SORBS2: variants seen among roughly 807,000 people sequenced by gnomAD.
SORBS2 encodes the protein sorbin and SH3 domain-containing protein 2.
Under a neutral mutation model 97.7 loss-of-function variants are expected in SORBS2, and 46 were observed. The observed-to-expected ratio is 0.47, with a 90% CI of 0.37 to 0.60. The LOEUF is 0.60. Among genes scored for constraint, SORBS2 ranks in the 20% least tolerant of loss-of-function variants. The probability of loss-of-function intolerance (pLI) is 0.00; values close to 1 mark genes in which losing one functional copy is unlikely to be tolerated. For missense variants in SORBS2, 1,316 were observed against 1,282.3 expected, an observed-to-expected ratio of 1.03 and a Z score of -0.40; for synonymous variants, 476 against 473.4, an observed-to-expected ratio of 1.01 and a Z score of -0.07.
intron 2 of SORBS2, among the ~76,000 whole-genome samples, chr4:185,747,640 T>A (rs2098771096): frequency 6.6e-6 from 1 of 152,146 alleles, no homozygotes. Flanking sequence ...AGGCCCATGG[T>A]GGTCAGGGCA....
chr4:185,644,688 G>C (rs937980408), intron 4 of SORBS2, among the ~76,000 whole-genome samples: 1 of 152,176 alleles, frequency 6.6e-6, no homozygotes, highest in Non-Finnish European at 1.5e-5. Context: ...CTTTACATGA[G>C]ATAAGGCATA....
chr4:185,868,745 CCAT>C (rs1458471977), intron 1 of SORBS2, among the ~76,000 whole-genome samples: 1 of 152,110 alleles, frequency 6.6e-6, no homozygotes, highest in African/African-American at 2.4e-5. Flanking sequence ...GACGCTGTCT[CCAT>C]CACCAGGGGC....
At chr4:185,622,988 C>G (rs777879869) in exon 7 of SORBS2, 1 of 1,613,982 alleles carries the variant, frequency 6.2e-7, no homozygotes, top group South Asian at 1.1e-5. Flanking sequence ...AGAGGCACTG[C>G]GGGGCATTCT....
intron 2 of SORBS2, among the ~76,000 whole-genome samples, chr4:185,745,469 A>G (rs1234173301): frequency 6.6e-6 from 1 of 152,204 alleles, no homozygotes; most frequent in Non-Finnish European, 1.5e-5. Context: ...CAGGTAGACA[A>G]GGAGGACTGA....
chr4:185,607,037 T>G lies in SORBS2; in HGVS notation c.2796+4743A>C. The G allele has an allele frequency of 9.8e-7, 1 of 1,021,980 alleles. No homozygotes were observed. The highest frequency in any genetic ancestry group is 1.2e-6 in the Non-Finnish European group (1 of 851,768). 63.3% of individuals were successfully genotyped at this position (1,021,980 alleles called of 1,614,324 possible). A position where few individuals can be genotyped will look rare whatever the true frequency, so the allele number is the denominator to read the frequency against. ...GCAGCCGAGGCCACACCCGCGTGAG[T>G]GGAAGGTGATTCGGCAGGTGCAGTC... On this transcript the variant is annotated intron_variant, in intron 12 of 14. Coordinates refer to ENST00000418609, the Ensembl canonical transcript of SORBS2. This position sits in a 1 kb window ranked among gnomAD's most constrained non-coding sequence, Gnocchi z 5.2.
At position 185,806,458 on chromosome 4, in the gene SORBS2, T is replaced by G. The variant is rs1382822834; in HGVS notation, c.-337-31092A>C. 7.5e-5 allele frequency among the ~76,000 whole-genome samples: 7 copies of G among 93,016 alleles called. 1 individual carries two copies. In the East Asian group the frequency reaches 9.9e-4, roughly 13 times the overall value. 61.0% of individuals were successfully genotyped at this position (93,016 alleles called of 152,430 possible). A position where few individuals can be genotyped will look rare whatever the true frequency, so the allele number is the denominator to read the frequency against. On this transcript the variant is annotated intron_variant, in intron 1 of 20. Coordinates refer to the SORBS2 transcript ENST00000284776. ...CCTATTTTTTTTTTTTTTTTTTTTTTTTTTTTTTTTTTTTTTTGAGACGGA... is the reference window on the plus strand; with the variant it reads ...CCTATTTTTTTTTTTTTTTTTTTTTGTTTTTTTTTTTTTTTTTGAGACGGA...
At chr4:185,836,764 T>C (rs1194126079) in intron 1 of SORBS2, among the ~76,000 whole-genome samples, 2 of 152,234 alleles carry the variant, frequency 1.3e-5, no homozygotes, top group Non-Finnish European at 2.9e-5. Context: ...CTTGTCCACA[T>C]TATTTATAGA....
rs111354387 is a variant in SORBS2, at chr4:185,617,344, G to C, written c.2351+1241C>G. 7.1e-3 allele frequency among the ~76,000 whole-genome samples: 1,083 copies of C among 152,156 alleles called. 12 individuals are homozygous for C. Among genetic ancestry groups the C allele is most frequent in the African/African-American group, 0.024 (987 of 41,528 alleles). The stretch of plus-strand genomic sequence containing the variant: ...AAGATGTAAGCTTTTCTTCAGGCCA[G>C]ATTTAAGCCATGTTCAACATCTTAA... On this transcript the variant is annotated intron_variant, in intron 9 of 14. Transcript: ENST00000418609.
chr4:185,618,565 T>C lies in SORBS2; in HGVS notation c.2351+20A>G. 7.2e-7 allele frequency: 1 copy of C among 1,385,694 alleles called. No homozygotes were observed. The highest frequency in any genetic ancestry group is 9.9e-7 in the Non-Finnish European group (1 of 1,011,414). 85.8% of individuals were successfully genotyped at this position (1,385,694 alleles called of 1,614,324 possible). A position where few individuals can be genotyped will look rare whatever the true frequency, so the allele number is the denominator to read the frequency against. On this transcript the variant is annotated intron_variant, in intron 9 of 14. Transcript: ENST00000418609. ...TTTAAAACCACCTTAAATCATATGATGAGTATTTATCTTACTTACTTAGAT... is the reference window on the plus strand; with the variant it reads ...TTTAAAACCACCTTAAATCATATGACGAGTATTTATCTTACTTACTTAGAT...
chr4:185,659,036 A>G (rs762046506), upstream of SORBS2, among the ~76,000 whole-genome samples: 107 of 152,268 alleles, frequency 7.0e-4, no homozygotes, highest in Non-Finnish European at 1.1e-3. Flanking sequence ...ATTTTAACTC[A>G]TCAATATAAG....
intron 4 of SORBS2, chr4:185,677,675 T>A (rs2097810522): frequency 6.9e-7 from 1 of 1,441,440 alleles, no homozygotes; most frequent in Admixed American, 2.7e-5. Flanking sequence ...AGAAATAAAG[T>A]TGAAAGAAAA....
upstream of SORBS2, among the ~76,000 whole-genome samples, chr4:185,658,957 C>A (rs529113117): frequency 6.6e-6 from 1 of 152,058 alleles, no homozygotes; most frequent in Non-Finnish European, 1.5e-5. Flanking sequence ...CCGCCCGCCT[C>A]GGCCTCCCAA....
intron 2 of SORBS2, among the ~76,000 whole-genome samples, chr4:185,731,866 C>CTCTCTCTCTCTATA (rs1286500642): frequency 1.2e-4 from 3 of 24,690 alleles, no homozygotes; most frequent in African/African-American, 1.8e-4. Flanking sequence ...CTCTCTCTCT[C>CTCTCTCTCTCTATA]TATATATATA....
At chr4:185,677,637 G>T (rs2097809101) in intron 4 of SORBS2, 1 of 1,502,108 alleles carries the variant, frequency 6.7e-7, no homozygotes, top group South Asian at 1.3e-5. Flanking sequence ...TGGAGGGGGT[G>T]CCTGGATTGA....
chr4:185,887,615 GC>G (rs2099240328), intron 1 of SORBS2, among the ~76,000 whole-genome samples: 1 of 152,126 alleles, frequency 6.6e-6, no homozygotes, highest in South Asian at 2.1e-4. Context: ...TGATATTTCA[GC>G]AAAATGAGCT....
chr4:185,649,538 G>A (rs769629345), exon 3 of SORBS2: 1 of 1,606,638 alleles, frequency 6.2e-7, no homozygotes, highest in South Asian at 1.1e-5. Context: ...GAGGCACTGG[G>A]GAGGACGCAT....
chr4:185,828,856 G>T (rs2099203525), intron 1 of SORBS2, among the ~76,000 whole-genome samples: 1 of 152,164 alleles, frequency 6.6e-6, no homozygotes, highest in African/African-American at 2.4e-5. Flanking sequence ...CATCCCCTGT[G>T]GTGGAGGCAA....
intron 4 of SORBS2, among the ~76,000 whole-genome samples, chr4:185,671,318 C>G (rs2097709274): frequency 6.6e-6 from 1 of 152,120 alleles, no homozygotes; most frequent in Non-Finnish European, 1.5e-5. Flanking sequence ...GGTTTTGCAT[C>G]TGGGAAAGTG....
intron 5 of SORBS2, among the ~76,000 whole-genome samples, chr4:185,627,868 C>T (rs6839787): frequency 0.98 from 149,031 of 152,178 alleles, 72,989 homozygotes; most frequent in East Asian, 1. Flanking sequence ...CTGGCACCCA[C>T]TGATCTTTCC....
Sources: gnomAD v4.1 joint callset for allele counts (sites outside exome capture counted in the v4.1 genomes callset) on GRCh38, gnomAD v4.1.1 for gene constraint, Gnocchi (gnomAD v3.1) non-coding constraint, MANE v1.5 for transcripts, NCBI Gene and HGNC (gene_info 2026-07-23, HGNC 2026-07-21) for gene names.